The following STOX1 variants were observed in gnomAD, a reference collection of about 807,000 sequenced individuals.
The protein encoded by STOX1 is storkhead-box protein 1.
Under a neutral mutation model 74.8 loss-of-function variants are expected in STOX1, and 57 were observed. That is an observed-to-expected ratio of 0.76 (90% CI 0.62 to 0.95). The LOEUF (loss-of-function observed/expected upper bound fraction) is 0.95, where lower values mean the gene tolerates loss of function less well. STOX1 is among the 40% of genes least tolerant of loss of function. The probability of loss-of-function intolerance (pLI) is 0.00; values close to 1 mark genes in which losing one functional copy is unlikely to be tolerated. For missense variants in STOX1, 1,010 were observed against 1,117.0 expected, an observed-to-expected ratio of 0.90 and a Z score of 1.37; for synonymous variants, 375 against 401.3, an observed-to-expected ratio of 0.93 and a Z score of 0.78.
At chr10:68,829,342 C>G (rs1185286582) in intron 1 of STOX1, among the ~76,000 whole-genome samples, 1 of 152,196 alleles carries the variant, frequency 6.6e-6, no homozygotes, top group Non-Finnish European at 1.5e-5. Context: ...ACGGTGAAAC[C>G]CCGCTTCTAC....
chr10:68,834,335 G>A (rs1839488062), intron 1 of STOX1, among the ~76,000 whole-genome samples: 1 of 152,168 alleles, frequency 6.6e-6, no homozygotes, highest in African/African-American at 2.4e-5. Flanking sequence ...GGTACTCGGT[G>A]CCTGATGCTG....
chr10:68,884,695 C>T lies in STOX1; in HGVS notation c.899C>T (p.Pro300Leu). The T allele has an allele frequency of 6.2e-7, 1 of 1,614,126 alleles. No homozygotes were observed. The highest frequency in any genetic ancestry group is 1.1e-5 in the South Asian group (1 of 91,076). The part of the protein sequence containing the change: ...HHICESTKPL[P>L]YTRDKEKGKK... ...ATTTGTGAGAGCACCAAACCTTTAC[C>T]ATACACAAGAGATAAAGAAAAAGGC... is the stretch of plus-strand genomic sequence containing the variant. The change falls in exon 3 of 4, where the codon CCA becomes CTA. Residue 300 changes from proline (P) to leucine (L), a missense_variant. By Grantham distance (98) the Pro-to-Leu change is moderately conservative. Transcript: ENST00000298596.
intron 1 of STOX1, among the ~76,000 whole-genome samples, chr10:68,846,140 A>AT (rs1839847667): frequency 6.8e-6 from 1 of 146,242 alleles, no homozygotes; most frequent in African/African-American, 2.5e-5. Flanking sequence ...TATTATTATT[A>AT]TTATTATTAT....
chr10:68,850,840 C>T (rs957871779), intron 1 of STOX1, among the ~76,000 whole-genome samples: 1 of 151,808 alleles, frequency 6.6e-6, no homozygotes, highest in African/African-American at 2.4e-5. Flanking sequence ...GGCATGGTGG[C>T]GTTCAGCTGT....
chr10:68,828,901 C>A (rs1219953901), intron 1 of STOX1: 1 of 892,394 alleles, frequency 1.1e-6, no homozygotes, highest in Non-Finnish European at 1.3e-6. Flanking sequence ...ACAACAGCAG[C>A]TTTTTGCCTT....
chr10:68,850,358 A>G (rs559353438), intron 1 of STOX1, among the ~76,000 whole-genome samples: 1 of 152,280 alleles, frequency 6.6e-6, no homozygotes, highest in South Asian at 2.1e-4. Flanking sequence ...GCAGTTGGCC[A>G]TAGTTATATT....
intron 1 of STOX1, among the ~76,000 whole-genome samples, chr10:68,865,552 G>A (rs1177684678): frequency 6.6e-6 from 1 of 152,184 alleles, no homozygotes. Context: ...GGGAGGTTGA[G>A]GCAGGAGAAT....
chr10:68,830,583 A>G (rs1839380190), intron 1 of STOX1, among the ~76,000 whole-genome samples: 1 of 151,890 alleles, frequency 6.6e-6, no homozygotes, highest in East Asian at 1.9e-4. Flanking sequence ...CCTCAAGTGA[A>G]CTGCCTGCCT....
Position 68,833,080 on chromosome 10 carries a change from G to GTTTTTT in STOX1, c.310+5165_310+5170dup, listed in dbSNP as rs1185911507. 2.2e-3 allele frequency among the ~76,000 whole-genome samples: 229 copies of GTTTTTT among 104,618 alleles called. 8 individuals are homozygous for GTTTTTT. The highest frequency in any genetic ancestry group is 8.8e-3 in the African/African-American group (214 of 24,192). The allele number at this position is 104,618 out of a possible 152,430, so 68.6% of individuals were successfully genotyped here. On this transcript the variant is annotated intron_variant, in intron 1 of 3. Transcript: ENST00000298596. The stretch of plus-strand genomic sequence containing the variant: ...CCACCTTGCCTAGCCACTTCTGTGG[G>GTTTTTT]TTTTTTTTTTTTTTTTTTTTTTTGA...
chr10:68,888,060 AACAC>A (rs61005053), intron 3 of STOX1, among the ~76,000 whole-genome samples: 6 of 151,760 alleles, frequency 4.0e-5, no homozygotes, highest in African/African-American at 1.2e-4. Flanking sequence ...TACTTATTCT[AACAC>A]ACACACACGC....
intron 1 of STOX1, among the ~76,000 whole-genome samples, chr10:68,862,515 T>C (rs1840287273): frequency 6.6e-6 from 1 of 152,132 alleles, no homozygotes; most frequent in Non-Finnish European, 1.5e-5. Context: ...TATATTGTGA[T>C]GGCATAGTAT....
intron 1 of STOX1, among the ~76,000 whole-genome samples, chr10:68,873,444 G>C (rs530351226): frequency 6.6e-6 from 1 of 150,698 alleles, no homozygotes; most frequent in Non-Finnish European, 1.5e-5. Context: ...TGTATTTTTA[G>C]TAGAGATGGG....
rs1840906131 is a variant in STOX1 at position 68,885,030 on chromosome 10, G to T, written c.1234G>T (p.Val412Phe). Reference sequence around the variant, plus strand: ...GCATAAGTATCCTTCAAAAGAGGGGGTTAAGAAAAGGCAGGGTCTGTCTGC... The same window carrying T: ...GCATAAGTATCCTTCAAAAGAGGGGTTTAAGAAAAGGCAGGGTCTGTCTGC... ...IGHKYPSKEGVKKRQGLSAKP... is the reference protein window; with the variant it reads ...IGHKYPSKEGFKKRQGLSAKP... Residue 412 changes from valine to phenylalanine, a missense_variant, in exon 3 of 4, where the codon GTT (valine) becomes TTT (phenylalanine). By Grantham distance (50) the Val-to-Phe change is conservative (BLOSUM62 -1). Coordinates refer to ENST00000298596, the MANE Select transcript of STOX1 (RefSeq NM_152709.5). 3.1e-6 allele frequency: 5 copies of T among 1,614,008 alleles called. No homozygotes were observed. In the South Asian group the frequency reaches 3.3e-5, roughly 11 times the overall value.
At chr10:68,838,054 GTTTCTTTTTTTTT>G (rs1214339480) in intron 1 of STOX1, among the ~76,000 whole-genome samples, 1 of 149,522 alleles carries the variant, frequency 6.7e-6, no homozygotes, top group Non-Finnish European at 1.5e-5. Flanking sequence ...TTTTCATTTC[GTTTCTTTTTTTTT>G]TTTCTTTTTT....
Position 68,885,285 on chromosome 10 carries a change from T to C in STOX1, c.1489T>C (p.Phe497Leu). The part of the protein sequence containing the change: ...LIYKKRISNP[F>L]QGLSHRGSTI... Reference sequence around the variant, plus strand: ...TTACAAAAAGCGAATCAGTAATCCTTTCCAGGGTTTGTCTCACCGAGGAAG... The same window carrying C: ...TTACAAAAAGCGAATCAGTAATCCTCTCCAGGGTTTGTCTCACCGAGGAAG... The change falls in exon 3 of 4, where the codon TTC becomes CTC. Residue 497 changes from phenylalanine (F) to leucine (L), a missense_variant. Coordinates refer to ENST00000298596, the MANE Select transcript of STOX1 (RefSeq NM_152709.5). 1 of 1,614,194 alleles carries C rather than the reference T, an allele frequency of 6.2e-7. No individual in the cohort carries two copies.
intron 2 of STOX1, among the ~76,000 whole-genome samples, chr10:68,882,851 A>C (rs1840843903): frequency 1.3e-5 from 2 of 152,154 alleles, no homozygotes; most frequent in Admixed American, 1.3e-4. Context: ...TAACTTAAAA[A>C]CACATCTCGG....
At chr10:68,846,566 C>T (rs764681412) in intron 1 of STOX1, among the ~76,000 whole-genome samples, 11 of 152,140 alleles carry the variant, frequency 7.2e-5, no homozygotes, top group Non-Finnish European at 1.0e-4. Flanking sequence ...AGCAATTGAC[C>T]ACATGTGTGT....
chr10:68,867,005 G>A (rs986701044), intron 1 of STOX1, among the ~76,000 whole-genome samples: 2 of 148,002 alleles, frequency 1.4e-5, no homozygotes, highest in African/African-American at 2.5e-5. Context: ...GAGTGCAGTG[G>A]CACGATCTCA....
rs763530730 is a variant in STOX1 at position 68,884,741 on chromosome 10, C to T, written c.945C>T (p.Leu315=). 3 of 1,614,066 alleles carry T rather than the reference C, an allele frequency of 1.9e-6. No individual in the cohort carries two copies. The highest frequency in any genetic ancestry group is 2.2e-5 in the East Asian group (1 of 44,900). Residue 315 remains leucine (L), a synonymous_variant, in exon 3 of 4, where the codon CTC becomes CTT. Coordinates refer to ENST00000298596, the MANE Select transcript of STOX1 (RefSeq NM_152709.5). The part of the protein sequence containing the change: ...KEKGKKFGFS[L]LWRSLSRKEK... ...AAGGCAAGAAGTTTGGTTTTAGTCT[C>T]TTATGGCGCAGCTTATCTAGAAAGG... is the stretch of plus-strand genomic sequence containing the variant.
Sources: gnomAD v4.1 joint callset for allele counts (sites outside exome capture counted in the v4.1 genomes callset) on GRCh38, gnomAD v4.1.1 for gene constraint, MANE v1.5 for transcripts, NCBI Gene and HGNC (gene_info 2026-07-23, HGNC 2026-07-21) for gene names.